Variants in CNTNAP2 observed in about 807,000 individuals in gnomAD.
CNTNAP2 encodes contactin associated protein 2.
A neutral mutation model predicts 155.2 loss-of-function variants in CNTNAP2; 98 were observed. That is an observed-to-expected ratio of 0.63 (90% CI 0.54 to 0.75). The LOEUF (loss-of-function observed/expected upper bound fraction) is 0.75. CNTNAP2 is among the 30% of genes least tolerant of loss of function. The pLI, the probability that CNTNAP2 is intolerant of heterozygous loss-of-function variation, is 0.00. For synonymous variants in CNTNAP2, 651 were observed against 631.2 expected, an observed-to-expected ratio of 1.03 and a Z score of -0.47; for missense variants, 1,727 against 1,688.1, an observed-to-expected ratio of 1.02 and a Z score of -0.40.
At chr7:148,357,001 C>T (rs1252806461) in intron 21 of CNTNAP2, among the ~76,000 whole-genome samples, 2 of 152,088 alleles carry the variant, frequency 1.3e-5, no homozygotes, top group Non-Finnish European at 2.9e-5. Flanking sequence ...GTGATATATA[C>T]TGTAGGAGAC....
intron 21 of CNTNAP2, 36 bp downstream of exon 21, chr7:148,267,162 A>G: frequency 6.5e-7 from 1 of 1,534,198 alleles, no homozygotes; most frequent in Admixed American, 1.7e-5. Flanking sequence ...AATGCGTGCT[A>G]CAAATACATT....
intron 21 of CNTNAP2, among the ~76,000 whole-genome samples, chr7:148,365,362 AAAT>A (rs1467718850): frequency 6.6e-6 from 1 of 152,322 alleles, no homozygotes; most frequent in East Asian, 1.9e-4. Flanking sequence ...TTCAGTCAAA[AAAT>A]AATATTACTG....
intron 13 of CNTNAP2, among the ~76,000 whole-genome samples, chr7:147,790,312 G>A (rs545682350): frequency 2.8e-4 from 43 of 152,076 alleles, no homozygotes; most frequent in African/African-American, 9.4e-4. Context: ...TTTATTTTCT[G>A]TCTTTCTTTC....
chr7:147,597,882 G>A (rs145811715), intron 12 of CNTNAP2, among the ~76,000 whole-genome samples: 1 of 152,138 alleles, frequency 6.6e-6, no homozygotes, highest in African/African-American at 2.4e-5. Context: ...CCCATATCCT[G>A]CTCCAGTCAA....
intron 15 of CNTNAP2, among the ~76,000 whole-genome samples, chr7:148,057,406 G>A (rs962511599): frequency 2.0e-5 from 3 of 152,100 alleles, no homozygotes; most frequent in Non-Finnish European, 2.9e-5. Flanking sequence ...TTCTGGTGTC[G>A]AAAGGTCCTA....
intron 12 of CNTNAP2, among the ~76,000 whole-genome samples, chr7:147,634,865 T>C (rs1041668922): frequency 1.2e-4 from 19 of 152,272 alleles, no homozygotes; most frequent in Admixed American, 6.5e-4. Flanking sequence ...CTGCTGGTCA[T>C]GCTCGTCCCA....
At chr7:146,965,324 T>G (rs930736543) in intron 3 of CNTNAP2, among the ~76,000 whole-genome samples, 2 of 152,096 alleles carry the variant, frequency 1.3e-5, no homozygotes, top group South Asian at 2.1e-4. Context: ...CTTCTCTAAA[T>G]GCAGAGTAAC....
intron 16 of CNTNAP2, among the ~76,000 whole-genome samples, chr7:148,127,111 C>T (rs1283996209): frequency 6.6e-6 from 1 of 152,122 alleles, no homozygotes; most frequent in Non-Finnish European, 1.5e-5. Context: ...TCGAGACCAG[C>T]ATAGCCAACA....
At chr7:146,855,853 A>G (rs1794972113) in intron 3 of CNTNAP2, among the ~76,000 whole-genome samples, 1 of 122,168 alleles carries the variant, frequency 8.2e-6, no homozygotes, top group Non-Finnish European at 1.7e-5. Context: ...ATATATATAT[A>G]CACACTTACA....
intron 19 of CNTNAP2, among the ~76,000 whole-genome samples, chr7:148,218,080 C>A (rs1015061227): frequency 6.6e-6 from 1 of 152,226 alleles, no homozygotes; most frequent in Admixed American, 6.5e-5. Flanking sequence ...GAGCCATGAT[C>A]GTGCCACTGC....
chr7:147,777,263 A>T (rs951873512), intron 13 of CNTNAP2, among the ~76,000 whole-genome samples: 1 of 152,246 alleles, frequency 6.6e-6, no homozygotes, highest in Non-Finnish European at 1.5e-5. Context: ...TAAGGACAGC[A>T]TATTATTTTT....
rs113301818 is a variant in CNTNAP2 at position 147,428,138 on chromosome 7, G to A, written c.1670+32358G>A. Among the ~76,000 whole-genome samples, 317 of 152,226 alleles carry A rather than the reference G, an allele frequency of 2.1e-3. 1 individual carries two copies. Among genetic ancestry groups the A allele is most frequent in the African/African-American group, 7.3e-3 (304 of 41,560 alleles). On this transcript the variant is annotated intron_variant, in intron 10 of 23. Transcript: ENST00000361727. ...AGTACAGCTTGATTTGTCATTGGAT[G>A]AATGATGAACTGGGGAAATTGAGGC...
intron 1 of CNTNAP2, among the ~76,000 whole-genome samples, chr7:146,751,802 T>C (rs1182724207): frequency 6.6e-6 from 1 of 151,948 alleles, no homozygotes; most frequent in Non-Finnish European, 1.5e-5. Flanking sequence ...CAGGCCTTGG[T>C]GTATGTTGTT....
chr7:147,434,414 T>C (rs1797516878), intron 10 of CNTNAP2, among the ~76,000 whole-genome samples: 1 of 152,344 alleles, frequency 6.6e-6, no homozygotes, highest in Admixed American at 6.5e-5. Flanking sequence ...TACCAAGATA[T>C]TGAATTAATT....
chr7:147,028,091 A>G (rs1470401609), intron 3 of CNTNAP2, among the ~76,000 whole-genome samples: 1 of 152,184 alleles, frequency 6.6e-6, no homozygotes, highest in Non-Finnish European at 1.5e-5. Context: ...GGTTGAGTTG[A>G]AAAAGTCAGC....
intron 21 of CNTNAP2, among the ~76,000 whole-genome samples, chr7:148,290,273 A>G (rs1207696957): frequency 4.6e-5 from 7 of 152,220 alleles, no homozygotes; most frequent in Non-Finnish European, 7.3e-5. Flanking sequence ...GTTTTTTAAA[A>G]AATCATTGTA....
intron 10 of CNTNAP2, among the ~76,000 whole-genome samples, chr7:147,468,071 G>T (rs1391626607): frequency 6.6e-6 from 1 of 151,944 alleles, no homozygotes. Flanking sequence ...ATTTCTTGAG[G>T]CCAGGAGTTC....
At position 146,355,546 on chromosome 7, in the gene CNTNAP2, G is replaced by A. The variant is rs371577508; in HGVS notation, c.97+238573G>A. 1.2e-4 allele frequency among the ~76,000 whole-genome samples: 19 copies of A among 152,232 alleles called. No homozygotes were observed. The South Asian group carries it at 3.7e-3, about 30-fold the overall frequency. ...GGTAATGAGCTATTTGTCCTGCATT[G>A]TGACAATAAGTCTCTTCCATAATTT... On this transcript the variant is annotated intron_variant, in intron 1 of 23. Transcript: ENST00000361727.
chr7:147,490,047 C>T (rs183467491), intron 11 of CNTNAP2, among the ~76,000 whole-genome samples: 4 of 152,072 alleles, frequency 2.6e-5, no homozygotes, highest in East Asian at 3.9e-4. Flanking sequence ...TTTTAGTGTT[C>T]GACAAAAATA....
Sources: allele counts gnomAD v4.1 joint callset (sites outside exome capture counted in the v4.1 genomes callset), GRCh38; gene constraint gnomAD v4.1.1; transcripts MANE v1.5; gene names NCBI Gene and HGNC (gene_info 2026-07-23, HGNC 2026-07-21).